Variants in INSYN2A observed in about 807,000 individuals in gnomAD.
INSYN2A encodes the protein inhibitory synaptic factor 2A, also known as family with sequence similarity 196 member A.
A neutral mutation model predicts 39.4 loss-of-function variants in INSYN2A; 17 were observed. The observed-to-expected ratio is 0.43, with a 90% CI of 0.30 to 0.65. The LOEUF is 0.65. Ranked by LOEUF, INSYN2A falls within the 30% of genes least tolerant of loss-of-function variation. The probability of loss-of-function intolerance (pLI) is 0.14; values close to 1 mark genes in which losing one functional copy is unlikely to be tolerated. For synonymous variants in INSYN2A, 255 were observed against 265.7 expected, an observed-to-expected ratio of 0.96 and a Z score of 0.39; for missense variants, 595 against 631.2, an observed-to-expected ratio of 0.94 and a Z score of 0.61.
At chr10:127,161,566 T>C (rs2133675429) in intron 4 of INSYN2A, among the ~76,000 whole-genome samples, 1 of 152,298 alleles carries the variant, frequency 6.6e-6, no homozygotes, top group South Asian at 2.1e-4. Context: ...GGCAAGGCTG[T>C]TTGGAGTACT....
intron 5 of INSYN2A, among the ~76,000 whole-genome samples, chr10:127,153,073 T>C (rs2052665716): frequency 6.6e-6 from 1 of 152,238 alleles, no homozygotes; most frequent in Non-Finnish European, 1.5e-5. Flanking sequence ...TAATTGTTTT[T>C]TGATAATTTG....
intron 5 of INSYN2A, among the ~76,000 whole-genome samples, chr10:127,149,317 G>A (rs1316604126): frequency 2.0e-5 from 3 of 152,136 alleles, no homozygotes; most frequent in East Asian, 1.9e-4. Context: ...AGGCTCTCAC[G>A]GGCTGATGTT....
intron 4 of INSYN2A, among the ~76,000 whole-genome samples, chr10:127,168,923 G>C (rs1252016123): frequency 6.6e-6 from 1 of 152,144 alleles, no homozygotes; most frequent in Admixed American, 6.5e-5. Flanking sequence ...TATTCTGTTT[G>C]GGCATTGGTA....
chr10:127,181,751 C>G (rs1183318083), intron 2 of INSYN2A, among the ~76,000 whole-genome samples: 2 of 152,098 alleles, frequency 1.3e-5, no homozygotes, highest in Non-Finnish European at 2.9e-5. Context: ...CGGCTTCCAC[C>G]GGAAGGGGAG....
intron 4 of INSYN2A, among the ~76,000 whole-genome samples, chr10:127,160,409 G>T (rs942438206): frequency 6.6e-6 from 1 of 152,204 alleles, no homozygotes; most frequent in Non-Finnish European, 1.5e-5. Flanking sequence ...ATTTGTGTGT[G>T]CCTGGTCTGG....
intron 4 of INSYN2A, among the ~76,000 whole-genome samples, chr10:127,169,817 C>G (rs767199228): frequency 6.6e-6 from 1 of 152,232 alleles, no homozygotes; most frequent in South Asian, 2.1e-4. Context: ...GTGCACATGA[C>G]CTTCCATTAC....
intron 4 of INSYN2A, among the ~76,000 whole-genome samples, chr10:127,172,543 C>A (rs1170551687): frequency 1.3e-5 from 2 of 152,078 alleles, no homozygotes; most frequent in Non-Finnish European, 2.9e-5. Flanking sequence ...GAATTTCAGC[C>A]AAATTAATGA....
chr10:127,185,918 G>A (rs932570251), intron 2 of INSYN2A, among the ~76,000 whole-genome samples: 1 of 152,142 alleles, frequency 6.6e-6, no homozygotes, highest in Non-Finnish European at 1.5e-5. Context: ...TAGAAAATGT[G>A]ACTTGCTAGG....
intron 4 of INSYN2A, among the ~76,000 whole-genome samples, chr10:127,164,246 C>T (rs1218048639): frequency 5.5e-5 from 7 of 128,178 alleles, no homozygotes; most frequent in Non-Finnish European, 9.5e-5. Flanking sequence ...TGCAGAGGTG[C>T]GATCTGGGCT....
intron 1 of INSYN2A, 57 bp downstream of exon 1, chr10:127,195,940 C>G (rs992855523): frequency 6.6e-6 from 1 of 152,252 alleles, no homozygotes; most frequent in East Asian, 1.9e-4. Flanking sequence ...GCTCTGCCCG[C>G]GGCCAAGTAC....
At chr10:127,151,102 A>G (rs190680261) in intron 5 of INSYN2A, among the ~76,000 whole-genome samples, 1 of 152,164 alleles carries the variant, frequency 6.6e-6, no homozygotes, top group Non-Finnish European at 1.5e-5. Context: ...TCCCTTTATC[A>G]TCTCTTCCTG....
Position 127,176,681 on chromosome 10 carries a change from T to G in INSYN2A, c.-6+196A>C, listed in dbSNP as rs1263119661. On this transcript the variant is annotated intron_variant, in intron 3 of 5. Coordinates refer to ENST00000522781, the MANE Select transcript of INSYN2A (RefSeq NM_001039762.3). The surrounding 1 kb of genome is among the most constrained non-coding windows in gnomAD (Gnocchi z 4.4). ...TGTTTCCCCATTAGACAAACCTGTTTTACTACATTCATCAAGAAACCCAAT... is the reference window on the plus strand; with the variant it reads ...TGTTTCCCCATTAGACAAACCTGTTGTACTACATTCATCAAGAAACCCAAT... 6.6e-6 allele frequency among the ~76,000 whole-genome samples: 1 copy of G among 152,184 alleles called. No homozygotes were observed. The highest frequency in any genetic ancestry group is 6.5e-5 in the Admixed American group (1 of 15,278).
intron 2 of INSYN2A, among the ~76,000 whole-genome samples, chr10:127,185,762 T>C (rs1022963815): frequency 3.3e-5 from 5 of 152,170 alleles, no homozygotes; most frequent in Non-Finnish European, 7.4e-5. Flanking sequence ...TTGGCATGAC[T>C]ACCTTGAGTG....
chr10:127,168,323 G>C (rs545837047), intron 4 of INSYN2A, among the ~76,000 whole-genome samples: 1 of 152,354 alleles, frequency 6.6e-6, no homozygotes, highest in South Asian at 2.1e-4. Flanking sequence ...AAGAATATTA[G>C]AAAATGAAGT....
rs996721292 is a variant in INSYN2A at position 127,161,317 on chromosome 10, T to C, written c.1185-7394A>G. Among the ~76,000 whole-genome samples the C allele has an allele frequency of 7.2e-4, 110 of 152,174 alleles. 1 individual carries two copies. The highest frequency in any genetic ancestry group is 7.2e-3 in the Admixed American group (110 of 15,276). ...TATGAAGTTGATTTTCATAACCAAC[T>C]CCCAGGATCACCCCTTCATTAGTCA... On this transcript the variant is annotated intron_variant, in intron 4 of 5. Coordinates refer to ENST00000522781, the MANE Select transcript of INSYN2A (RefSeq NM_001039762.3).
In INSYN2A at chr10:127,136,566, G is replaced by A. The variant is rs989301481; in HGVS notation, c.*1271C>T. On this transcript the variant is annotated 3_prime_UTR_variant, in exon 6 of 6. Transcript: ENST00000522781. ...AGACAAAGTCATTAATAGACTAGGG[G>A]ATTTGATTTCTATAAAAAGATACTT... The A allele has an allele frequency of 2.6e-5, 4 of 152,162 alleles. No individual in the cohort carries two copies. The highest frequency in any genetic ancestry group is 5.9e-5 in the Non-Finnish European group (4 of 67,980). The allele number at this position is 152,162 out of a possible 1,614,324, so 9.4% of individuals were successfully genotyped here. A position where few individuals can be genotyped will look rare whatever the true frequency, so the allele number is the denominator to read the frequency against.
chr10:127,145,603 C>T (rs1028560212), intron 5 of INSYN2A, among the ~76,000 whole-genome samples: 3 of 152,162 alleles, frequency 2.0e-5, no homozygotes, highest in Admixed American at 6.5e-5. Context: ...GATCCCATGA[C>T]CCAGGGCCAT....
At chr10:127,160,736 A>AT (rs1337985669) in intron 4 of INSYN2A, among the ~76,000 whole-genome samples, 1 of 152,232 alleles carries the variant, frequency 6.6e-6, no homozygotes, top group Non-Finnish European at 1.5e-5. Context: ...TGTTGCAGAT[A>AT]TAAAAAAGGC....
chr10:127,140,062 G>A (rs1455757810), intron 5 of INSYN2A, among the ~76,000 whole-genome samples: 1 of 152,110 alleles, frequency 6.6e-6, no homozygotes, highest in Non-Finnish European at 1.5e-5. Context: ...AATATTGAAG[G>A]TGTGTTCTCC....
Sources: gnomAD v4.1 joint callset for allele counts (sites outside exome capture counted in the v4.1 genomes callset) on GRCh38, gnomAD v4.1.1 for gene constraint, Gnocchi (gnomAD v3.1) non-coding constraint, MANE v1.5 for transcripts, NCBI Gene and HGNC (gene_info 2026-07-23, HGNC 2026-07-21) for gene names.